ATP9A: variants seen among roughly 807,000 people sequenced by gnomAD.
ATP9A encodes the protein ATPase phospholipid transporting 9A, also known as probable phospholipid-transporting ATPase IIA.
ATP9A carries 52 observed loss-of-function variants against 144.1 expected under a neutral mutation model. That is an observed-to-expected ratio of 0.36 (90% confidence interval 0.29 to 0.45). ATP9A has a LOEUF of 0.45. ATP9A is among the 20% of genes least tolerant of loss of function. ATP9A has a pLI of 1.00. For synonymous variants in ATP9A, 582 were observed against 557.4 expected (o/e 1.04, Z -0.62); for missense variants, 947 against 1,392.7 (o/e 0.68, Z 5.09).
chr20:51,683,215 T>G (rs2077507919), intron 9 of ATP9A, among the ~76,000 whole-genome samples: 1 of 152,076 alleles, frequency 6.6e-6, no homozygotes, highest in Non-Finnish European at 1.5e-5. Context: ...GCTTCCTGTA[T>G]AGCTAGGACC....
At chr20:51,615,539 A>T (rs1257536504) in intron 22 of ATP9A, among the ~76,000 whole-genome samples, 1 of 152,254 alleles carries the variant, frequency 6.6e-6, no homozygotes, top group Non-Finnish European at 1.5e-5. Context: ...ACTCATAACC[A>T]GTAATATACA....
intron 1 of ATP9A, among the ~76,000 whole-genome samples, chr20:51,748,228 T>C (rs572867596): frequency 1.9e-4 from 29 of 152,272 alleles, no homozygotes; most frequent in African/African-American, 6.5e-4. Flanking sequence ...GAAGATCACT[T>C]ACAGCCAAAA....
At chr20:51,689,895 G>A (rs2077539379) in intron 8 of ATP9A, among the ~76,000 whole-genome samples, 2 of 151,442 alleles carry the variant, frequency 1.3e-5, no homozygotes, top group Admixed American at 6.6e-5. Flanking sequence ...TGGATCACCT[G>A]AGGTCAGGAG....
At chr20:51,617,692 C>T (rs745786292) in intron 21 of ATP9A, 138 bp from the exon 22 acceptor site, 1 of 936,954 alleles carries the variant, frequency 1.1e-6, no homozygotes, top group Non-Finnish European at 1.6e-6. Flanking sequence ...TCCATCTCTC[C>T]AACCCCTTGA....
chr20:51,726,180 G>A (rs1255104753), intron 2 of ATP9A, among the ~76,000 whole-genome samples: 1 of 151,888 alleles, frequency 6.6e-6, no homozygotes, highest in African/African-American at 2.4e-5. Context: ...AGGCGTGGTG[G>A]CAGGCACCTA....
intron 1 of ATP9A, among the ~76,000 whole-genome samples, chr20:51,749,640 A>G (rs571204691): frequency 1.3e-5 from 2 of 152,202 alleles, no homozygotes; most frequent in African/African-American, 2.4e-5. Context: ...ATCTATGTCT[A>G]TTTATCTATA....
At chr20:51,690,289 G>A (rs1029351589) in intron 8 of ATP9A, among the ~76,000 whole-genome samples, 14 of 151,632 alleles carry the variant, frequency 9.2e-5, no homozygotes, top group Non-Finnish European at 1.6e-4. Context: ...GCGCAGTGGC[G>A]GGCGCCTGTA....
At chr20:51,729,280 C>T (rs542557757) in intron 2 of ATP9A, among the ~76,000 whole-genome samples, 165 of 152,258 alleles carry the variant, frequency 1.1e-3, no homozygotes, top group African/African-American at 3.9e-3. Flanking sequence ...TGAAGTTACT[C>T]TAACTGAGCA....
At chr20:51,746,294 G>A (rs1052732691) in intron 1 of ATP9A, among the ~76,000 whole-genome samples, 14 of 152,340 alleles carry the variant, frequency 9.2e-5, no homozygotes, top group Non-Finnish European at 7.3e-5. Context: ...CCTCAGGTAC[G>A]TAGCCCTGAA....
intron 14 of ATP9A, among the ~76,000 whole-genome samples, chr20:51,652,837 A>G (rs977306067): frequency 1.3e-5 from 2 of 152,148 alleles, no homozygotes; most frequent in South Asian, 2.1e-4. Context: ...GGCCAGTCGC[A>G]GTGGCTCACG....
At chr20:51,718,988 C>T (rs191966393) in intron 3 of ATP9A, among the ~76,000 whole-genome samples, 2,539 of 151,346 alleles carry the variant, frequency 0.017, 39 homozygotes, top group Non-Finnish European at 0.024. Flanking sequence ...ATTAGCTGGG[C>T]GTGGTGGTGC....
chr20:51,712,528 T>G (rs2077644119), intron 4 of ATP9A, among the ~76,000 whole-genome samples: 1 of 152,240 alleles, frequency 6.6e-6, no homozygotes, highest in African/African-American at 2.4e-5. Context: ...CAGTTATTTA[T>G]CTAAATCGGT....
chr20:51,646,417 C>CTTAA (rs2077342586), intron 14 of ATP9A, among the ~76,000 whole-genome samples: 1 of 152,186 alleles, frequency 6.6e-6, no homozygotes, highest in African/African-American at 2.4e-5. Context: ...AAGATAAATA[C>CTTAA]TTAAGCTCAC....
At chr20:51,627,810 C>T in intron 16 of ATP9A, 127 bp from the exon 17 acceptor site, 4 of 774,326 alleles carry the variant, frequency 5.2e-6, no homozygotes, top group Non-Finnish European at 8.7e-6. Context: ...CAGAAAGTTG[C>T]TTTCCCCTAC....
At chr20:51,734,379 G>C (rs1601135856) in intron 1 of ATP9A, among the ~76,000 whole-genome samples, 1 of 152,112 alleles carries the variant, frequency 6.6e-6, no homozygotes, top group Admixed American at 6.6e-5. Flanking sequence ...CAGATTTAGG[G>C]AGAAGGGATA....
chr20:51,691,834 G>C (rs2077549810), intron 7 of ATP9A, among the ~76,000 whole-genome samples: 1 of 152,200 alleles, frequency 6.6e-6, no homozygotes, highest in Non-Finnish European at 1.5e-5. Context: ...CCAGGAAGTG[G>C]AAGCAACTCA....
chr20:51,644,598 T>C (rs2077334540), intron 14 of ATP9A, among the ~76,000 whole-genome samples: 1 of 152,136 alleles, frequency 6.6e-6, no homozygotes, highest in South Asian at 2.1e-4. Flanking sequence ...CACCGAAATG[T>C]TTCAAACGTG....
chr20:51,748,663 T>C (rs1432120534), intron 1 of ATP9A, among the ~76,000 whole-genome samples: 3 of 152,202 alleles, frequency 2.0e-5, no homozygotes, highest in Non-Finnish European at 2.9e-5. Context: ...GGAGGACATT[T>C]TGACGATGCT....
Position 51,729,989 on chromosome 20 carries a change from G to T in ATP9A, c.69-11C>A. The T allele has an allele frequency of 6.6e-7, 1 of 1,524,062 alleles. No individual in the cohort carries two copies. The allele number at this position is 1,524,062 out of a possible 1,614,324, so 94.4% of individuals were successfully genotyped here. On this transcript the variant is annotated splice_polypyrimidine_tract_variant and intron_variant, in intron 1 of 27. Coordinates refer to ENST00000338821, the MANE Select transcript of ATP9A (RefSeq NM_006045.3). ...AGCCACTCGCAGCACCTGTGGGAAA[G>T]AAACCCACGCATCAAGGCCACGCCC...
Sources: allele counts gnomAD v4.1 joint callset (sites outside exome capture counted in the v4.1 genomes callset), GRCh38; gene constraint gnomAD v4.1.1; transcripts MANE v1.5; gene names NCBI Gene and HGNC (gene_info 2026-07-23, HGNC 2026-07-21).